DLG2: variants seen among roughly 807,000 people sequenced by gnomAD.
DLG2 encodes the protein discs large MAGUK scaffold protein 2.
DLG2 carries 45 observed loss-of-function variants against 132.5 expected under a neutral mutation model. The observed-to-expected ratio is 0.34, with a 90% CI of 0.27 to 0.44. The LOEUF is 0.44. Ranked by LOEUF, DLG2 falls within the 20% of genes least tolerant of loss-of-function variation. The pLI is 1.00. For missense variants in DLG2, 1,045 were observed against 1,196.9 expected (o/e 0.87, Z 1.87); for synonymous variants, 424 against 419.6 (o/e 1.01, Z -0.13).
chr11:84,894,459 T>C (rs1241549329), intron 6 of DLG2, among the ~76,000 whole-genome samples: 1 of 152,132 alleles, frequency 6.6e-6, no homozygotes, highest in African/African-American at 2.4e-5. Flanking sequence ...TGGCGTGTAA[T>C]TTAGTATACA....
At chr11:83,642,931 G>C (rs891966211) in intron 18 of DLG2, among the ~76,000 whole-genome samples, 11 of 151,994 alleles carry the variant, frequency 7.2e-5, no homozygotes, top group African/African-American at 2.7e-4. Flanking sequence ...GTTGTAAATG[G>C]CATAGTCCAT....
chr11:83,654,223 T>C (rs1359676455), intron 18 of DLG2, among the ~76,000 whole-genome samples: 1 of 152,150 alleles, frequency 6.6e-6, no homozygotes, highest in Admixed American at 6.5e-5. Context: ...AAAGGATGAT[T>C]TGGACTCTGT....
chr11:84,545,092 C>T, intron 6 of DLG2: 1 of 453,988 alleles, frequency 2.2e-6, no homozygotes, highest in Non-Finnish European at 4.4e-6. Context: ...TTCCCTGTCA[C>T]TTCTCTCTCT....
chr11:84,744,889 G>C (rs765376419), intron 6 of DLG2, among the ~76,000 whole-genome samples: 3 of 95,136 alleles, frequency 3.2e-5, no homozygotes, highest in Non-Finnish European at 4.2e-5. Flanking sequence ...GAAATTAAAA[G>C]TAAAGGTCTA....
At chr11:85,357,707 TATATATATATATATATATATATATATA>T (rs1565373535) in intron 3 of DLG2, among the ~76,000 whole-genome samples, 51 of 2,870 alleles carry the variant, frequency 0.018, no homozygotes, top group East Asian at 0.03. Context: ...TTCTGAATTA[TATATATATATATATATATATATATATA>T]TATATATATA....
chr11:83,886,208 C>T (rs1472005735), intron 15 of DLG2, among the ~76,000 whole-genome samples: 1 of 152,100 alleles, frequency 6.6e-6, no homozygotes, highest in Non-Finnish European at 1.5e-5. Context: ...AAACCCATCT[C>T]ATGTGCAGAG....
intron 7 of DLG2, among the ~76,000 whole-genome samples, chr11:84,455,421 T>C (rs1206289322): frequency 6.6e-6 from 1 of 151,332 alleles, no homozygotes; most frequent in Non-Finnish European, 1.5e-5. Flanking sequence ...ATTTCCAAAA[T>C]TGATTTTCTA....
chr11:84,827,522 G>A (rs576418744), intron 6 of DLG2, among the ~76,000 whole-genome samples: 5 of 151,556 alleles, frequency 3.3e-5, no homozygotes, highest in Non-Finnish European at 7.4e-5. Flanking sequence ...ATTTTTGGAA[G>A]AGTAGACTGG....
chr11:85,427,666 A>C (rs537690688), intron 3 of DLG2, among the ~76,000 whole-genome samples: 131 of 152,374 alleles, frequency 8.6e-4, no homozygotes, highest in African/African-American at 3.0e-3. Flanking sequence ...CAGCCACTGC[A>C]AAAACATGCC....
In DLG2 at chr11:85,074,388, A is replaced by C. The variant is rs545004039; in HGVS notation, c.357+37273T>G. On this transcript the variant is annotated intron_variant, in intron 6 of 27. Transcript: ENST00000376104. ...TGCCAGTGAATCAGCAGGTGCTTAC[A>C]ATCAGGAAGTAATGACCTGCCTTAT... is the stretch of plus-strand genomic sequence containing the variant. Among the ~76,000 whole-genome samples, 4 of 151,986 alleles carry C rather than the reference A, an allele frequency of 2.6e-5. No homozygotes were observed. The South Asian group carries it at 8.3e-4, about 31-fold the overall frequency.
At chr11:84,300,462 T>G (rs2098139473) in intron 7 of DLG2, among the ~76,000 whole-genome samples, 1 of 152,186 alleles carries the variant, frequency 6.6e-6, no homozygotes, top group Non-Finnish European at 1.5e-5. Flanking sequence ...TGACGATGGT[T>G]AAGAAGACCC....
Position 83,776,924 on chromosome 11 carries a change from C to A in DLG2, c.1825+9766G>T, listed in dbSNP as rs1451391. Among the ~76,000 whole-genome samples the A allele has an allele frequency of 4.6e-5, 7 of 152,066 alleles. 1 individual carries two copies. The South Asian group carries it at 8.3e-4, about 18-fold the overall frequency. ...GTATTCTCTGAGTACATTTGAGTAC[C>A]TAGACTTTAAGATTTTGGATCCAAG... On this transcript the variant is annotated intron_variant, in intron 18 of 27. Coordinates refer to ENST00000376104, the MANE Select transcript of DLG2 (RefSeq NM_001142699.3).
At chr11:84,802,658 T>C (rs1054473194) in intron 6 of DLG2, among the ~76,000 whole-genome samples, 2 of 139,218 alleles carry the variant, frequency 1.4e-5, no homozygotes, top group African/African-American at 5.3e-5. Flanking sequence ...AAAAAAAAAC[T>C]CTGGGTGGTG....
At chr11:84,434,933 AAAAAG>A (rs1430545433) in intron 7 of DLG2, among the ~76,000 whole-genome samples, 3 of 151,300 alleles carry the variant, frequency 2.0e-5, no homozygotes, top group Non-Finnish European at 2.9e-5. Flanking sequence ...AAAAAAAAAA[AAAAAG>A]AAAAGCCCAG....
chr11:84,401,630 A>T (rs1456706412), intron 7 of DLG2, among the ~76,000 whole-genome samples: 3 of 152,212 alleles, frequency 2.0e-5, no homozygotes, highest in African/African-American at 7.2e-5. Flanking sequence ...AGAAGACAAA[A>T]GTACACTGGA....
intron 19 of DLG2, among the ~76,000 whole-genome samples, chr11:83,579,064 C>A (rs1487583162): frequency 6.6e-6 from 1 of 152,188 alleles, no homozygotes; most frequent in Non-Finnish European, 1.5e-5. Context: ...CTTGCCTCAA[C>A]AATAACAGCT....
intron 3 of DLG2, among the ~76,000 whole-genome samples, chr11:85,294,247 A>G (rs1012213927): frequency 1.3e-5 from 2 of 152,134 alleles, no homozygotes; most frequent in African/African-American, 4.8e-5. Context: ...ACTTTTCTGT[A>G]TATTTGAAAT....
intron 6 of DLG2, chr11:84,936,837 G>A (rs2048805390): frequency 6.6e-6 from 1 of 152,150 alleles, no homozygotes; most frequent in Admixed American, 6.6e-5. Context: ...TTACCTTTTA[G>A]AGGTTTTCAA....
chr11:85,522,120 G>C (rs74752745), intron 3 of DLG2, among the ~76,000 whole-genome samples: 1,830 of 152,260 alleles, frequency 0.012, 19 homozygotes, highest in Admixed American at 0.018. Flanking sequence ...TTCCTGGGTT[G>C]GGTCCAGGGC....
Sources: gnomAD v4.1 joint callset for allele counts (sites outside exome capture counted in the v4.1 genomes callset) on GRCh38, gnomAD v4.1.1 for gene constraint, MANE v1.5 for transcripts, NCBI Gene and HGNC (gene_info 2026-07-23, HGNC 2026-07-21) for gene names.